STX12: variants seen among roughly 807,000 people sequenced by gnomAD.
The protein encoded by STX12 is syntaxin 12.
A neutral mutation model predicts 42.2 loss-of-function variants in STX12; 17 were observed. That is an observed-to-expected ratio of 0.40 (90% CI 0.28 to 0.60). The LOEUF (loss-of-function observed/expected upper bound fraction) is 0.60. Ranked by LOEUF, STX12 falls within the 20% of genes least tolerant of loss-of-function variation. STX12 has a pLI of 0.39. For missense variants in STX12, 297 were observed against 330.9 expected, an observed-to-expected ratio of 0.90 and a Z score of 0.79; for synonymous variants, 108 against 116.7, an observed-to-expected ratio of 0.93 and a Z score of 0.48.
In STX12 at chr1:27,810,290, GTAATAGAA is replaced by G. The variant is rs2088894204; in HGVS notation, c.470+3_470+10del. 1 of 1,612,326 alleles carries G rather than the reference GTAATAGAA, an allele frequency of 6.2e-7. No individual in the cohort carries two copies. Among genetic ancestry groups the G allele is most frequent in the Non-Finnish European group, 8.5e-7 (1 of 1,178,788 alleles). ...AGGAGCAGCTGGTCTCATTTGACAG[GTAATAGAA>G]TTATTCATACAACCTGCTGGATAGT... is the stretch of plus-strand genomic sequence containing the variant. On this transcript the variant is annotated splice_donor_variant and splice_donor_5th_base_variant and intron_variant, in intron 5 of 8. Coordinates refer to ENST00000373943, the MANE Select transcript of STX12 (RefSeq NM_177424.3). LOFTEE classifies it high-confidence loss of function.
In STX12 at chr1:27,780,270, G is replaced by A. The variant is rs561673913; in HGVS notation, c.118+6845G>A. Among the ~76,000 whole-genome samples the A allele has an allele frequency of 4.7e-5, 7 of 147,772 alleles. No individual in the cohort carries two copies. In the South Asian group the frequency reaches 6.4e-4, roughly 13 times the overall value. On this transcript the variant is annotated intron_variant, in intron 1 of 8. Coordinates refer to ENST00000373943, the MANE Select transcript of STX12 (RefSeq NM_177424.3). ...TGTTTCCCAGGCTGGAGTGCAGTGG[G>A]GCGATCAGGCTCATTGCAACTTCCG...
chr1:27,802,633 T>C (rs2088834968), intron 4 of STX12, among the ~76,000 whole-genome samples: 1 of 152,194 alleles, frequency 6.6e-6, no homozygotes, highest in Admixed American at 6.5e-5. Flanking sequence ...GCCACCTATG[T>C]GTGGGATAGA....
rs1367458985 is a variant in STX12, at chr1:27,823,295, G to A, written c.*966G>A. The A allele has an allele frequency of 6.6e-6, 1 of 152,470 alleles. No homozygotes were observed. Among genetic ancestry groups the A allele is most frequent in the East Asian group, 1.9e-4 (1 of 5,204 alleles). The allele number at this position is 152,470 out of a possible 1,614,324, so 9.4% of individuals were successfully genotyped here. ...GGAAGATTTTTAAAGATAGATTGAG[G>A]TTGGTTTAAAATTATTCCTGTAAAC... is the stretch of plus-strand genomic sequence containing the variant. On this transcript the variant is annotated 3_prime_UTR_variant, in exon 9 of 9. Coordinates refer to ENST00000373943, the MANE Select transcript of STX12 (RefSeq NM_177424.3).
rs753594224 is a variant in STX12 at position 27,773,402 on chromosome 1, A to G, written c.95A>G (p.Asn32Ser). Residue 32 changes from asparagine (N) to serine (S), a missense_variant, in exon 1 of 9, where the codon AAC becomes AGC. Physicochemically the swap from Asn to Ser is conservative, Grantham distance 46. Coordinates refer to ENST00000373943, the MANE Select transcript of STX12 (RefSeq NM_177424.3). ...FSSIIQTCSGNIQRISQATAQ... is the reference protein window; with the variant it reads ...FSSIIQTCSGSIQRISQATAQ... ...AGCATCATCCAGACGTGCAGCGGCA[A>G]CATCCAGCGGATCAGCCAAGCCAGT... The G allele has an allele frequency of 1.2e-6, 2 of 1,613,506 alleles. No homozygotes were observed. The highest frequency in any genetic ancestry group is 1.7e-6 in the Non-Finnish European group (2 of 1,179,798).
intron 6 of STX12, 24 bp from the exon 7 acceptor site, chr1:27,817,827 T>A (rs749643895): frequency 6.2e-7 from 1 of 1,607,068 alleles, no homozygotes. Context: ...TTAATGTTAG[T>A]TAATTGTTTT....
chr1:27,815,793 A>T (rs1414994466), intron 6 of STX12, among the ~76,000 whole-genome samples: 1 of 152,210 alleles, frequency 6.6e-6, no homozygotes, highest in East Asian at 1.9e-4. Flanking sequence ...AATTGCCCTC[A>T]AATTTCCATA....
At chr1:27,793,408 A>G in intron 2 of STX12, 125 bp from the exon 3 acceptor site, 1 of 717,448 alleles carries the variant, frequency 1.4e-6, no homozygotes, top group Admixed American at 2.6e-5. Context: ...CTGGGCATCT[A>G]GGGACTCATT....
chr1:27,803,886 A>G (rs1273922928), intron 4 of STX12, among the ~76,000 whole-genome samples: 2 of 151,984 alleles, frequency 1.3e-5, no homozygotes, highest in Non-Finnish European at 2.9e-5. Flanking sequence ...CTGTAATCCC[A>G]GCTACTCTGG....
At chr1:27,819,310 T>C (rs1259371857) in intron 7 of STX12, among the ~76,000 whole-genome samples, 8 of 151,388 alleles carry the variant, frequency 5.3e-5, no homozygotes, top group Admixed American at 5.3e-4. Context: ...AATAAAAATA[T>C]TATAAGGACC....
At chr1:27,795,570 T>C (rs2088780924) in intron 3 of STX12, among the ~76,000 whole-genome samples, 1 of 152,130 alleles carries the variant, frequency 6.6e-6, no homozygotes. Context: ...CCTCCCAAAG[T>C]GCTGGGATTA....
At chr1:27,798,456 C>A (rs914443521) in intron 3 of STX12, among the ~76,000 whole-genome samples, 4 of 151,636 alleles carry the variant, frequency 2.6e-5, no homozygotes, top group Non-Finnish European at 5.9e-5. Flanking sequence ...ACCAGCCTGA[C>A]CAACATGGCA....
At chr1:27,813,758 A>G (rs577947838) in intron 6 of STX12, among the ~76,000 whole-genome samples, 1 of 152,176 alleles carries the variant, frequency 6.6e-6, no homozygotes, top group Non-Finnish European at 1.5e-5. Context: ...ATTATTTTAT[A>G]TGGTTCAAAC....
At chr1:27,805,421 G>A (rs555762222) in intron 4 of STX12, among the ~76,000 whole-genome samples, 291 of 152,192 alleles carry the variant, frequency 1.9e-3, no homozygotes, top group Non-Finnish European at 3.5e-3. Flanking sequence ...GGGCAGAGTA[G>A]CATTATTTTC....
intron 1 of STX12, among the ~76,000 whole-genome samples, chr1:27,784,998 G>A (rs1361685922): frequency 6.6e-6 from 1 of 151,836 alleles, no homozygotes; most frequent in Non-Finnish European, 1.5e-5. Flanking sequence ...GTTCTCCACT[G>A]AGAATATGCA....
chr1:27,809,062 G>A (rs1190493560), intron 4 of STX12, among the ~76,000 whole-genome samples: 3 of 152,146 alleles, frequency 2.0e-5, no homozygotes, highest in Admixed American at 6.5e-5. Context: ...TGGGCTGGGC[G>A]CTGTGGCTCA....
intron 2 of STX12, among the ~76,000 whole-genome samples, chr1:27,792,321 CATATATATGTATCT>C (rs1450451598): frequency 6.3e-5 from 8 of 126,398 alleles, no homozygotes; most frequent in Non-Finnish European, 1.3e-4. Context: ...TATGTAGATA[CATATATATGTATCT>C]ATATATATGT....
chr1:27,821,735 G>A (rs1296746564), intron 8 of STX12, among the ~76,000 whole-genome samples: 3 of 152,048 alleles, frequency 2.0e-5, no homozygotes, highest in African/African-American at 7.2e-5. Flanking sequence ...TATACTACTC[G>A]GCTGGGTGCG....
rs371335965 is a variant in STX12 at position 27,811,265 on chromosome 1, G to A, written c.471-898G>A. Among the ~76,000 whole-genome samples, 8 of 135,468 alleles carry A rather than the reference G, an allele frequency of 5.9e-5. No individual in the cohort carries two copies. In the East Asian group the frequency reaches 1.4e-3, roughly 24 times the overall value. 88.9% of individuals were successfully genotyped at this position (135,468 alleles called of 152,430 possible). Reference sequence around the variant, plus strand: ...ACCCGGGGGGCGGAGTGAAGTAAGCGCCACTTCACTCCGGCCTGGATGAAA... The same window carrying A: ...ACCCGGGGGGCGGAGTGAAGTAAGCACCACTTCACTCCGGCCTGGATGAAA... On this transcript the variant is annotated intron_variant, in intron 5 of 8. Transcript: ENST00000373943.
At chr1:27,782,713 G>A (rs2088676632) in intron 1 of STX12, among the ~76,000 whole-genome samples, 1 of 152,108 alleles carries the variant, frequency 6.6e-6, no homozygotes, top group Non-Finnish European at 1.5e-5. Context: ...GTGGGCACCT[G>A]TAATCCCAGC....
Sources: gnomAD v4.1 joint callset for allele counts (sites outside exome capture counted in the v4.1 genomes callset) on GRCh38, gnomAD v4.1.1 for gene constraint, MANE v1.5 for transcripts, NCBI Gene and HGNC (gene_info 2026-07-23, HGNC 2026-07-21) for gene names.